Variants in RELN observed in about 807,000 individuals in gnomAD.
The protein encoded by RELN is reelin.
A neutral mutation model predicts 427.6 loss-of-function variants in RELN; 108 were observed. The observed-to-expected ratio is 0.25, with a 90% CI of 0.22 to 0.30. The LOEUF is 0.30. Ranked by LOEUF, RELN falls within the 10% of genes least tolerant of loss-of-function variation. The pLI is 1.00. For synonymous variants in RELN, 1,524 were observed against 1,513.4 expected (o/e 1.01, Z -0.16); for missense variants, 3,715 against 4,302.8 (o/e 0.86, Z 3.82).
intron 1 of RELN, among the ~76,000 whole-genome samples, chr7:103,929,557 G>C (rs992170724): frequency 6.6e-6 from 1 of 152,080 alleles, no homozygotes; most frequent in African/African-American, 2.4e-5. Context: ...TCTGTTTCAA[G>C]ACAACCTTAT....
At chr7:103,766,578 G>C (rs370700659) in intron 4 of RELN, among the ~76,000 whole-genome samples, 1 of 152,188 alleles carries the variant, frequency 6.6e-6, no homozygotes, top group Non-Finnish European at 1.5e-5. Flanking sequence ...ATAAAAGGAG[G>C]TTAAACACCC....
chr7:103,748,767 C>T (rs1790919469), intron 6 of RELN, among the ~76,000 whole-genome samples: 1 of 151,948 alleles, frequency 6.6e-6, no homozygotes, highest in Admixed American at 6.6e-5. Context: ...CTCTTCTGTC[C>T]AAACAAAAAA....
chr7:103,874,894 T>C (rs1270802037), intron 2 of RELN, among the ~76,000 whole-genome samples: 6 of 146,520 alleles, frequency 4.1e-5, no homozygotes, highest in African/African-American at 1.2e-4. Context: ...GAGCCTGCAT[T>C]GCCAAGTCAA....
Position 103,894,661 on chromosome 7 carries a change from G to A in RELN, c.337+22414C>T, listed in dbSNP as rs77037426. Among the ~76,000 whole-genome samples the A allele has an allele frequency of 5.7e-3, 862 of 152,202 alleles. 26 individuals are homozygous for A. In the East Asian group the frequency reaches 0.072, roughly 13 times the overall value. On this transcript the variant is annotated intron_variant, in intron 2 of 64. Coordinates refer to ENST00000428762, the MANE Select transcript of RELN (RefSeq NM_005045.4). ...TTGTGAATCTCCAGTTACCGATTTC[G>A]TGCACTCAAGTCCTAACTCTAATAT...
intron 60 of RELN, among the ~76,000 whole-genome samples, chr7:103,487,809 T>C (rs1412268580): frequency 6.6e-6 from 1 of 152,204 alleles, no homozygotes; most frequent in African/African-American, 2.4e-5. Flanking sequence ...TTTTAACTCG[T>C]TGGATTCCAG....
intron 4 of RELN, among the ~76,000 whole-genome samples, chr7:103,773,825 C>G (rs897319806): frequency 6.6e-6 from 1 of 152,064 alleles, no homozygotes; most frequent in African/African-American, 2.4e-5. Flanking sequence ...TCCTGGGATG[C>G]CTTTCCTAAC....
chr7:103,616,657 TACAC>T (rs1424854820), intron 20 of RELN, among the ~76,000 whole-genome samples: 1 of 152,098 alleles, frequency 6.6e-6, no homozygotes, highest in Admixed American at 6.6e-5. Flanking sequence ...TTCTCATGTG[TACAC>T]ACACATACTT....
Position 103,573,346 on chromosome 7 carries a change from A to G in RELN, c.4511+746T>C, listed in dbSNP as rs1830926399. Among the ~76,000 whole-genome samples the G allele has an allele frequency of 6.6e-6, 1 of 152,230 alleles. No individual in the cohort carries two copies. Among genetic ancestry groups the G allele is most frequent in the Non-Finnish European group, 1.5e-5 (1 of 68,032 alleles). On this transcript the variant is annotated intron_variant, in intron 30 of 64. Coordinates refer to ENST00000428762, the MANE Select transcript of RELN (RefSeq NM_005045.4). The surrounding 1 kb of genome is among the most constrained non-coding windows in gnomAD (Gnocchi z 4.4). The stretch of plus-strand genomic sequence containing the variant: ...AGACTCACTTGGCTAAATTTTTCAC[A>G]GCAGGCCTTCAGTCAGTACGATGTA...
chr7:103,694,488 T>TGAC (rs1833935787), intron 10 of RELN, among the ~76,000 whole-genome samples: 1 of 151,030 alleles, frequency 6.6e-6, no homozygotes, highest in Non-Finnish European at 1.5e-5. Flanking sequence ...ATGATGATGA[T>TGAC]GATGATGATG....
At chr7:103,473,649 T>C (rs3808050) in intron 64 of RELN, among the ~76,000 whole-genome samples, 52,409 of 152,096 alleles carry the variant, frequency 0.34, 9,727 homozygotes, top group East Asian at 0.53. Context: ...ATATATGCTG[T>C]GTGTGAAGCT....
chr7:103,473,164 A>G (rs1358103642), intron 64 of RELN, among the ~76,000 whole-genome samples: 1 of 152,194 alleles, frequency 6.6e-6, no homozygotes, highest in Non-Finnish European at 1.5e-5. Flanking sequence ...AATATGTGAA[A>G]TTCTCTTGAT....
chr7:103,908,339 C>T (rs970323747), intron 2 of RELN, among the ~76,000 whole-genome samples: 2 of 152,156 alleles, frequency 1.3e-5, no homozygotes, highest in Admixed American at 1.3e-4. Context: ...CTATTTTGAG[C>T]ATATAATATA....
At chr7:103,601,799 C>T (rs1441118842) in intron 24 of RELN, among the ~76,000 whole-genome samples, 1 of 152,150 alleles carries the variant, frequency 6.6e-6, no homozygotes, top group South Asian at 2.1e-4. Context: ...CCTAACCAAG[C>T]GACACAGGTT....
intron 20 of RELN, among the ~76,000 whole-genome samples, chr7:103,615,406 A>C (rs901696578): frequency 2.0e-5 from 3 of 152,098 alleles, no homozygotes; most frequent in Non-Finnish European, 2.9e-5. Context: ...ATTGCTGAGG[A>C]TCTGTTTTTT....
At chr7:103,866,266 A>G (rs969450721) in intron 2 of RELN, among the ~76,000 whole-genome samples, 84 of 152,266 alleles carry the variant, frequency 5.5e-4, no homozygotes, top group African/African-American at 1.9e-3. Context: ...AAAGAGCACT[A>G]CAGCTTTAAT....
At chr7:103,886,743 T>C (rs1443940647) in intron 2 of RELN, among the ~76,000 whole-genome samples, 1 of 152,196 alleles carries the variant, frequency 6.6e-6, no homozygotes, top group Non-Finnish European at 1.5e-5. Flanking sequence ...TGTCATATTT[T>C]CCAGCCAATG....
chr7:103,940,127 A>G (rs1055750346), intron 1 of RELN, among the ~76,000 whole-genome samples: 2 of 152,332 alleles, frequency 1.3e-5, no homozygotes, highest in Admixed American at 6.5e-5. Flanking sequence ...ACAAAAAACC[A>G]TTTTAATCTT....
intron 20 of RELN, among the ~76,000 whole-genome samples, chr7:103,619,448 C>G (rs1832165408): frequency 6.6e-6 from 1 of 152,170 alleles, no homozygotes; most frequent in African/African-American, 2.4e-5. Context: ...GCCTGTGTCT[C>G]CTGTGGAACT....
intron 1 of RELN, among the ~76,000 whole-genome samples, chr7:103,966,879 T>A (rs927313427): frequency 6.6e-6 from 1 of 152,082 alleles, no homozygotes; most frequent in East Asian, 1.9e-4. Flanking sequence ...TCCCAAAACT[T>A]CTCCAAACTG....
Sources: allele counts gnomAD v4.1 joint callset (sites outside exome capture counted in the v4.1 genomes callset), GRCh38; gene constraint gnomAD v4.1.1; non-coding constraint Gnocchi (gnomAD v3.1); transcripts MANE v1.5; gene names NCBI Gene and HGNC (gene_info 2026-07-23, HGNC 2026-07-21).